FREM1: variants seen among roughly 807,000 people sequenced by gnomAD.
The protein encoded by FREM1 is FRAS1 related extracellular matrix 1, also known as FRAS1-related extracellular matrix protein 1.
A neutral mutation model predicts 210.1 loss-of-function variants in FREM1; 220 were observed. The observed-to-expected ratio is 1.05, with a 90% CI of 0.94 to 1.17. The LOEUF (loss-of-function observed/expected upper bound fraction) is 1.17. Among genes scored for constraint, FREM1 ranks in the 50% most tolerant of loss-of-function variants. FREM1 has a pLI of 0.00. For synonymous variants in FREM1, 1,189 were observed against 980.2 expected, an observed-to-expected ratio of 1.21 and a Z score of -3.98; for missense variants, 3,454 against 2,675.5, an observed-to-expected ratio of 1.29 and a Z score of -6.42.
At chr9:14,741,567 C>T (rs944808399) in intron 35 of FREM1, among the ~76,000 whole-genome samples, 3 of 152,180 alleles carry the variant, frequency 2.0e-5, no homozygotes, top group Non-Finnish European at 4.4e-5. Context: ...CCCTCCCCAA[C>T]ACATCCAACA....
At chr9:14,795,529 G>C (rs1044468733) in intron 21 of FREM1, among the ~76,000 whole-genome samples, 1 of 152,194 alleles carries the variant, frequency 6.6e-6, no homozygotes, top group Non-Finnish European at 1.5e-5. Context: ...AAGAGAAAGA[G>C]AGTGTTATTA....
At chr9:14,861,576 G>A (rs916248525) in intron 3 of FREM1, among the ~76,000 whole-genome samples, 7 of 143,754 alleles carry the variant, frequency 4.9e-5, no homozygotes, top group African/African-American at 5.2e-5. Flanking sequence ...CTGTAATCTC[G>A]GCTCACCGCA....
intron 1 of FREM1, among the ~76,000 whole-genome samples, chr9:14,879,694 G>C (rs745763361): frequency 2.6e-5 from 4 of 152,260 alleles, no homozygotes; most frequent in Admixed American, 6.5e-5. Flanking sequence ...TTTCTACAAG[G>C]TATTGTGGAG....
intron 30 of FREM1, among the ~76,000 whole-genome samples, chr9:14,749,687 G>A (rs1360211053): frequency 1.3e-5 from 2 of 152,194 alleles, no homozygotes; most frequent in African/African-American, 4.8e-5. Context: ...CAAGCCAGCT[G>A]CATCTTTCAC....
chr9:14,876,418 A>T (rs374999682), intron 1 of FREM1, among the ~76,000 whole-genome samples: 2 of 152,038 alleles, frequency 1.3e-5, no homozygotes, highest in South Asian at 4.2e-4. Context: ...GCCGCCTTGC[A>T]GTTTGATCTT....
intron 3 of FREM1, among the ~76,000 whole-genome samples, chr9:14,860,461 C>T (rs972592707): frequency 1.3e-5 from 2 of 151,662 alleles, no homozygotes; most frequent in Non-Finnish European, 2.9e-5. Context: ...GTAGAAGAAG[C>T]AAGCATTCAT....
intron 3 of FREM1, among the ~76,000 whole-genome samples, chr9:14,861,153 ATACGTATATACACATGTATG>A (rs1564106324): frequency 1.8e-5 from 2 of 108,892 alleles, no homozygotes; most frequent in African/African-American, 4.0e-5. Flanking sequence ...ATACACATAT[ATACGTATATACACATGTATG>A]TACATATATA....
chr9:14,741,376 TTGC>T (rs1405415425), intron 35 of FREM1, among the ~76,000 whole-genome samples: 1 of 152,230 alleles, frequency 6.6e-6, no homozygotes, highest in African/African-American at 2.4e-5. Context: ...TAACAGTATT[TTGC>T]TGCTGTCTGA....
intron 1 of FREM1, among the ~76,000 whole-genome samples, chr9:14,900,877 C>G (rs954494761): frequency 1.3e-5 from 2 of 152,166 alleles, no homozygotes; most frequent in Non-Finnish European, 2.9e-5. Flanking sequence ...ACTCTGGGGT[C>G]CTTGCACATC....
Position 14,789,028 on chromosome 9 carries a change from G to C in FREM1, c.4068C>G (p.Thr1356=), listed in dbSNP as rs1316144391. Residue 1356 remains threonine, a synonymous_variant, in exon 23 of 37, where the codon ACC becomes ACG. Coordinates refer to ENST00000380880, the MANE Select transcript of FREM1 (RefSeq NM_001379081.2). ...VDLNLLRYTH[T]GAMDSQNQDS... is the part of the protein sequence containing the mutation. ...CTTGATTCTGGGAATCCATTGCCCC[G>C]GTGTGTGTGTATCTCAGCAAGTTCA... 2 of 1,611,138 alleles carry C rather than the reference G, an allele frequency of 1.2e-6. No individual in the cohort carries two copies. Among genetic ancestry groups the C allele is most frequent in the South Asian group, 2.2e-5 (2 of 90,250 alleles).
At position 14,789,050 on chromosome 9, in the gene FREM1, T is replaced by C. The variant is rs748471115; in HGVS notation, c.4046A>G (p.Asn1349Ser). The C allele has an allele frequency of 6.2e-7, 1 of 1,609,508 alleles. No homozygotes were observed. Among genetic ancestry groups the C allele is most frequent in the Non-Finnish European group, 8.5e-7 (1 of 1,177,954 alleles). ...MKCTQEEVDL[N>S]LLRYTHTGAM... is the part of the protein sequence containing the mutation. ...CCCGGTGTGTGTGTATCTCAGCAAGTTCAGATCCACTTCCTCCTGAGTGCA... is the reference window on the plus strand; with the variant it reads ...CCCGGTGTGTGTGTATCTCAGCAAGCTCAGATCCACTTCCTCCTGAGTGCA... Residue 1349 changes from asparagine to serine, a missense_variant, in exon 23 of 37, where the codon AAC becomes AGC. Asn to Ser is a conservative substitution (Grantham distance 46). Transcript: ENST00000380880.
intron 2 of FREM1, 54 bp from the exon 3 acceptor site, chr9:14,863,957 T>A: frequency 8.6e-7 from 1 of 1,164,838 alleles, no homozygotes; most frequent in Non-Finnish European, 1.3e-6. Flanking sequence ...GTACAAGATT[T>A]AACATTTTGC....
At chr9:14,738,252 T>C (rs1280202074) in intron 36 of FREM1, among the ~76,000 whole-genome samples, 2 of 152,098 alleles carry the variant, frequency 1.3e-5, no homozygotes, top group Admixed American at 6.6e-5. Context: ...CTCACTCTCT[T>C]TCATAATAGA....
At chr9:14,832,772 A>G (rs907771965) in intron 10 of FREM1, among the ~76,000 whole-genome samples, 10 of 152,142 alleles carry the variant, frequency 6.6e-5, no homozygotes, top group African/African-American at 2.4e-4. Context: ...AACCTGAAAA[A>G]GGGGTAATAA....
At chr9:14,755,064 C>T (rs995133005) in intron 29 of FREM1, among the ~76,000 whole-genome samples, 4 of 152,206 alleles carry the variant, frequency 2.6e-5, no homozygotes, top group East Asian at 1.9e-4. Flanking sequence ...ACCCAGCCAC[C>T]GGAAGCATGG....
intron 35 of FREM1, among the ~76,000 whole-genome samples, chr9:14,745,708 T>A (rs1370099917): frequency 6.6e-6 from 1 of 152,222 alleles, no homozygotes; most frequent in East Asian, 1.9e-4. Context: ...ATTGTGTTGT[T>A]TAGATAATAT....
At chr9:14,746,292 T>C in intron 35 of FREM1, 61 bp downstream of exon 35, 1 of 1,230,790 alleles carries the variant, frequency 8.1e-7, no homozygotes, top group Non-Finnish European at 1.2e-6. Flanking sequence ...TCCGCTTCCA[T>C]GAGCAAATAG....
At position 14,801,701 on chromosome 9, in the gene FREM1, G is replaced by C; in HGVS notation, c.3645C>G (p.His1215Gln). 1 of 1,613,976 alleles carries C rather than the reference G, an allele frequency of 6.2e-7. No individual in the cohort carries two copies. The highest frequency in any genetic ancestry group is 8.5e-7 in the Non-Finnish European group (1 of 1,179,858). The change falls in exon 20 of 37, where the codon CAC (histidine) becomes CAG (glutamine). Residue 1215 changes from histidine to glutamine, a missense_variant. Coordinates refer to ENST00000380880, the MANE Select transcript of FREM1 (RefSeq NM_001379081.2). ...AGCTGTGAACAGGTGCATGTTTCTG[G>C]TGAGGGTTGGCTGGCTGCTTATTCT... ...FSENKQPANP[H>Q]QKHAPVHSFS...
chr9:14,845,851 T>A, intron 8 of FREM1, 109 bp downstream of exon 8: 1 of 1,132,294 alleles, frequency 8.8e-7, no homozygotes, highest in East Asian at 2.6e-5. Context: ...TTTGACAATT[T>A]CATTGAGAAA....
Sources: allele counts gnomAD v4.1 joint callset (sites outside exome capture counted in the v4.1 genomes callset), GRCh38; gene constraint gnomAD v4.1.1; transcripts MANE v1.5; gene names NCBI Gene and HGNC (gene_info 2026-07-23, HGNC 2026-07-21).